MAGI1: variants seen among roughly 807,000 people sequenced by gnomAD.
MAGI1 encodes membrane-associated guanylate kinase, WW and PDZ domain-containing protein 1.
In MAGI1, 58 loss-of-function variants were observed where a neutral mutation model predicts 139.9. The ratio of observed to expected loss-of-function variants is 0.41; its 90% confidence interval spans 0.34 to 0.52. The LOEUF (loss-of-function observed/expected upper bound fraction) is 0.52. Ranked by LOEUF, MAGI1 falls within the 20% of genes least tolerant of loss-of-function variation. MAGI1 has a pLI of 0.12. For synonymous variants in MAGI1, 812 were observed against 737.9 expected (o/e 1.10, Z -1.63); for missense variants, 1,874 against 1,901.6 (o/e 0.99, Z 0.27).
chr3:65,617,050 T>C (rs1233649073), intron 2 of MAGI1, among the ~76,000 whole-genome samples: 2 of 152,228 alleles, frequency 1.3e-5, no homozygotes, highest in Non-Finnish European at 2.9e-5. Context: ...CCCTTTTGAA[T>C]ATGGCTATCT....
intron 1 of MAGI1, among the ~76,000 whole-genome samples, chr3:65,765,155 T>C (rs2107903815): frequency 6.6e-6 from 1 of 152,340 alleles, no homozygotes; most frequent in South Asian, 2.1e-4. Context: ...TCTAACATTA[T>C]CTGACTTGCC....
intron 1 of MAGI1, among the ~76,000 whole-genome samples, chr3:65,802,846 A>ATGTGTGTGTGTG (rs2040599747): frequency 1.3e-5 from 1 of 79,452 alleles, no homozygotes; most frequent in Admixed American, 1.4e-4. Flanking sequence ...AGATCATCTC[A>ATGTGTGTGTGTG]TCTGTGTGTG....
chr3:65,599,168 T>A lies in MAGI1; in HGVS notation c.430+22804A>T, dbSNP rs140068749. On this transcript the variant is annotated intron_variant, in intron 2 of 22. Transcript: ENST00000402939. ...GAAAGGAAGCAAGGGCATACCTCTT[T>A]CTGGGGTATGTTGGGGGAGGCAATG... Among the ~76,000 whole-genome samples the A allele has an allele frequency of 2.1e-3, 326 of 152,124 alleles. 3 individuals are homozygous for A. The highest frequency in any genetic ancestry group is 7.3e-3 in the African/African-American group (301 of 41,498).
chr3:65,437,796 T>C (rs1373333422), intron 9 of MAGI1, among the ~76,000 whole-genome samples: 1 of 152,166 alleles, frequency 6.6e-6, no homozygotes, highest in East Asian at 1.9e-4. Context: ...CACCCCAGAA[T>C]CACTTCCAGC....
intron 2 of MAGI1, among the ~76,000 whole-genome samples, chr3:65,540,740 G>A (rs993236124): frequency 2.6e-5 from 4 of 152,070 alleles, no homozygotes; most frequent in Non-Finnish European, 5.9e-5. Context: ...ATACACACTG[G>A]GTTGCATCCT....
chr3:65,500,567 C>A (rs542291368), intron 2 of MAGI1, among the ~76,000 whole-genome samples: 5 of 152,194 alleles, frequency 3.3e-5, no homozygotes, highest in African/African-American at 1.2e-4. Flanking sequence ...AACTTATCTG[C>A]GCTATCTTTT....
rs921667334 is a variant in MAGI1, at chr3:65,696,675, T to C, written c.314-74587A>G. Reference sequence around the variant, plus strand: ...CAGAATTTCCTAACATTTGTGGCAATACAATAAAATAAAATAAAATATACA... The same window carrying C: ...CAGAATTTCCTAACATTTGTGGCAACACAATAAAATAAAATAAAATATACA... On this transcript the variant is annotated intron_variant, in intron 1 of 22. Transcript: ENST00000402939. Among the ~76,000 whole-genome samples the C allele has an allele frequency of 9.2e-5, 14 of 151,762 alleles. No homozygotes were observed. In the South Asian group the frequency reaches 1.0e-3, roughly 11 times the overall value.
At chr3:65,598,256 G>A (rs1011650160) in intron 2 of MAGI1, among the ~76,000 whole-genome samples, 1 of 152,192 alleles carries the variant, frequency 6.6e-6, no homozygotes, top group Admixed American at 6.5e-5. Context: ...GCCTCTCCCT[G>A]CTGGGGCGTG....
At chr3:65,541,964 AAAG>A (rs1186288550) in intron 2 of MAGI1, among the ~76,000 whole-genome samples, 2 of 152,186 alleles carry the variant, frequency 1.3e-5, no homozygotes, top group Non-Finnish European at 2.9e-5. Context: ...TCAATTAGGA[AAAG>A]AAGAAGTCAA....
At chr3:65,582,665 G>C (rs1475474805) in intron 2 of MAGI1, among the ~76,000 whole-genome samples, 1 of 152,074 alleles carries the variant, frequency 6.6e-6, no homozygotes, top group Non-Finnish European at 1.5e-5. Context: ...TTGCATCCTG[G>C]TTACTTCAAT....
At chr3:65,775,462 A>AT (rs1172098423) in intron 1 of MAGI1, among the ~76,000 whole-genome samples, 1,657 of 108,314 alleles carry the variant, frequency 0.015, 50 homozygotes, top group African/African-American at 0.041. Flanking sequence ...AAAAAAAAAA[A>AT]ATTTTTTTAA....
intron 1 of MAGI1, among the ~76,000 whole-genome samples, chr3:65,931,180 G>A (rs532445674): frequency 5.3e-4 from 80 of 152,106 alleles, no homozygotes; most frequent in African/African-American, 1.7e-3. Flanking sequence ...CTACAGGAGC[G>A]TGCCACCACG....
At position 65,759,065 on chromosome 3, in the gene MAGI1, CAAAAAAAAAAAA is replaced by C. The variant is rs200497203; in HGVS notation, c.314-136989_314-136978del. Among the ~76,000 whole-genome samples the C allele has an allele frequency of 3.8e-4, 28 of 73,084 alleles. No individual in the cohort carries two copies. In the East Asian group the frequency reaches 0.011, roughly 28 times the overall value. 47.9% of individuals were successfully genotyped at this position (73,084 alleles called of 152,430 possible). Reference sequence around the variant, plus strand: ...GAAAGGAGAACTGTTAGGCCCAGTGCAAAAAAAAAAAAAAAAAAAAAAAAAAAAAATGGAAAG... The same window carrying C: ...GAAAGGAGAACTGTTAGGCCCAGTGCAAAAAAAAAAAAAAAAAATGGAAAG... On this transcript the variant is annotated intron_variant, in intron 1 of 22. Coordinates refer to ENST00000402939, the MANE Select transcript of MAGI1 (RefSeq NM_001033057.2).
At chr3:65,539,378 A>C (rs369395746) in intron 2 of MAGI1, among the ~76,000 whole-genome samples, 11 of 152,308 alleles carry the variant, frequency 7.2e-5, no homozygotes, top group African/African-American at 2.2e-4. Context: ...AAACAGACAC[A>C]TACCAACTAC....
chr3:65,635,739 T>G (rs1264950311), intron 1 of MAGI1, among the ~76,000 whole-genome samples: 1 of 152,228 alleles, frequency 6.6e-6, no homozygotes, highest in Non-Finnish European at 1.5e-5. Context: ...AACACAAATG[T>G]TCTCCTACCC....
intron 1 of MAGI1, among the ~76,000 whole-genome samples, chr3:66,012,623 G>A (rs983960100): frequency 2.6e-5 from 4 of 151,944 alleles, no homozygotes; most frequent in Non-Finnish European, 4.4e-5. Context: ...AAAATTAGCT[G>A]GGTATGGTGG....
intron 21 of MAGI1, among the ~76,000 whole-genome samples, chr3:65,362,648 G>C (rs1012224080): frequency 2.6e-5 from 4 of 152,184 alleles, no homozygotes; most frequent in Non-Finnish European, 4.4e-5. Context: ...TTAAGTGCAA[G>C]TGTTACGATC....
At chr3:65,860,286 A>G (rs2059511686) in intron 1 of MAGI1, among the ~76,000 whole-genome samples, 3 of 152,158 alleles carry the variant, frequency 2.0e-5, no homozygotes, top group Admixed American at 2.0e-4. Flanking sequence ...CCCTTATTCT[A>G]TTTCGAAGGA....
intron 2 of MAGI1, among the ~76,000 whole-genome samples, chr3:65,494,251 A>T (rs1031247785): frequency 1.3e-5 from 2 of 152,216 alleles, no homozygotes; most frequent in African/African-American, 4.8e-5. Flanking sequence ...CTGACTAGGG[A>T]GAAAGGACGC....
Sources: allele counts gnomAD v4.1 joint callset (sites outside exome capture counted in the v4.1 genomes callset), GRCh38; gene constraint gnomAD v4.1.1; transcripts MANE v1.5; gene names NCBI Gene and HGNC (gene_info 2026-07-23, HGNC 2026-07-21).